The following SLC27A2 variants were observed in gnomAD, a reference collection of about 807,000 sequenced individuals.
SLC27A2 encodes long-chain fatty acid transport protein 2.
Under a neutral mutation model 60.0 loss-of-function variants are expected in SLC27A2, and 54 were observed. The observed-to-expected ratio is 0.90, with a 90% CI of 0.72 to 1.13. The LOEUF (loss-of-function observed/expected upper bound fraction) is 1.13. SLC27A2 is among the 50% of genes most tolerant of loss of function. SLC27A2 has a pLI of 0.00. For synonymous variants in SLC27A2, 297 were observed against 297.6 expected, an observed-to-expected ratio of 1.00 and a Z score of 0.02; for missense variants, 739 against 777.6, an observed-to-expected ratio of 0.95 and a Z score of 0.59.
rs2045332768 is a variant in SLC27A2 at position 50,233,983 on chromosome 15, G to A, written c.1671G>A (p.Arg557=). The A allele has an allele frequency of 1.2e-6, 2 of 1,611,840 alleles. No homozygotes were observed. Among genetic ancestry groups the A allele is most frequent in the Non-Finnish European group, 1.7e-6 (2 of 1,178,946 alleles). ...ADYLPSYARP[R]FLRIQDTIEI... The stretch of plus-strand genomic sequence containing the variant: ...ACCTACCTAGTTATGCAAGGCCCCG[G>A]TTTCTAAGAATACAGGTGAGATCTC... The change falls in exon 9 of 10, where the codon CGG becomes CGA. Residue 557 remains arginine (R), a synonymous_variant. Coordinates refer to ENST00000267842, the MANE Select transcript of SLC27A2 (RefSeq NM_003645.4).
chr15:50,232,422 T>C (rs981234859), intron 8 of SLC27A2, among the ~76,000 whole-genome samples: 3 of 152,154 alleles, frequency 2.0e-5, no homozygotes, highest in Non-Finnish European at 4.4e-5. Flanking sequence ...TTATAATTTA[T>C]TTTAGTTTTA....
At chr15:50,221,140 G>A (rs747385077) in intron 4 of SLC27A2, among the ~76,000 whole-genome samples, 3 of 152,018 alleles carry the variant, frequency 2.0e-5, no homozygotes, top group Non-Finnish European at 4.4e-5. Flanking sequence ...TGGGAGTTAA[G>A]GCTGCAGTAA....
chr15:50,182,692 A>C lies in SLC27A2; in HGVS notation c.265A>C (p.Asn89His). ...LTYAQVDRRSNQVARALHDHL... is the reference protein window; with the variant it reads ...LTYAQVDRRSHQVARALHDHL... The stretch of plus-strand genomic sequence containing the variant: ...CTACGCGCAGGTGGACCGGCGCAGC[A>C]ATCAAGTGGCCCGGGCGCTGCACGA... Residue 89 changes from asparagine to histidine, a missense_variant, in exon 1 of 10, where the codon AAT (asparagine) becomes CAT (histidine). Physicochemically the swap from Asn to His is moderately conservative, Grantham distance 68. Transcript: ENST00000267842. The C allele has an allele frequency of 1.2e-6, 2 of 1,613,898 alleles. No homozygotes were observed. The highest frequency in any genetic ancestry group is 1.7e-6 in the Non-Finnish European group (2 of 1,179,908).
chr15:50,187,766 G>A (rs993905145), intron 1 of SLC27A2, among the ~76,000 whole-genome samples: 3 of 152,112 alleles, frequency 2.0e-5, no homozygotes, highest in Admixed American at 6.5e-5. Flanking sequence ...TTTAAACAAT[G>A]TGATAAAGGA....
intron 4 of SLC27A2, among the ~76,000 whole-genome samples, chr15:50,222,569 C>T (rs1252436568): frequency 1.3e-5 from 2 of 152,204 alleles, no homozygotes; most frequent in African/African-American, 4.8e-5. Context: ...TGGAAATTCA[C>T]CAGTGTTCAC....
intron 1 of SLC27A2, among the ~76,000 whole-genome samples, chr15:50,194,807 T>C (rs2045000802): frequency 6.6e-6 from 1 of 151,470 alleles, no homozygotes; most frequent in South Asian, 2.1e-4. Context: ...TTTTAAAAAA[T>C]GTAAAGGAGG....
chr15:50,219,589 C>T (rs58548530), intron 4 of SLC27A2, among the ~76,000 whole-genome samples: 1 of 152,020 alleles, frequency 6.6e-6, no homozygotes, highest in South Asian at 2.1e-4. Context: ...TTGGAGCAAC[C>T]GTTTTGCTAC....
At chr15:50,204,704 G>C (rs1157875856) in intron 3 of SLC27A2, among the ~76,000 whole-genome samples, 1 of 151,578 alleles carries the variant, frequency 6.6e-6, no homozygotes, top group Non-Finnish European at 1.5e-5. Context: ...CTGCACTCCA[G>C]CCTGGGTGAC....
intron 2 of SLC27A2, among the ~76,000 whole-genome samples, chr15:50,201,821 T>C (rs894115114): frequency 2.0e-5 from 3 of 152,086 alleles, no homozygotes; most frequent in Non-Finnish European, 2.9e-5. Context: ...TCCCAAAGTG[T>C]TAGGATTACA....
chr15:50,230,601 C>G (rs1211402755), intron 8 of SLC27A2, among the ~76,000 whole-genome samples: 1 of 152,094 alleles, frequency 6.6e-6, no homozygotes, highest in African/African-American at 2.4e-5. Flanking sequence ...AACTCAGGGA[C>G]AATGACACGA....
intron 8 of SLC27A2, among the ~76,000 whole-genome samples, chr15:50,231,351 T>A: frequency 6.6e-6 from 1 of 152,238 alleles, no homozygotes; most frequent in South Asian, 2.1e-4. Flanking sequence ...TTCACCATGT[T>A]GGTCAGGCTG....
Position 50,183,994 on chromosome 15 carries a change from C to CTTTTTTTTTTTTTTTTT in SLC27A2, c.478+1091_478+1107dup, listed in dbSNP as rs577766814. Among the ~76,000 whole-genome samples the CTTTTTTTTTTTTTTTTT allele has an allele frequency of 8.3e-3, 757 of 91,158 alleles. 130 individuals are homozygous for CTTTTTTTTTTTTTTTTT. The highest frequency in any genetic ancestry group is 0.012 in the Non-Finnish European group (566 of 47,462). 59.8% of individuals were successfully genotyped at this position (91,158 alleles called of 152,430 possible). Reference sequence around the variant, plus strand: ...TTCGAAGCCATGCTCTTTCCTACATCTTTTTTTTTTTTTTTTTTGACAGTC... The same window carrying CTTTTTTTTTTTTTTTTT: ...TTCGAAGCCATGCTCTTTCCTACATCTTTTTTTTTTTTTTTTTTTTTTTTTTTTTTTTTTTGACAGTC... On this transcript the variant is annotated intron_variant, in intron 1 of 9. Transcript: ENST00000267842.
rs549497383 is a variant in SLC27A2, at chr15:50,232,636, G to A, written c.1556-1232G>A. ...CCCATTTGCCCGTAGGTCCAGCGTCGCTACTACCAGAGCAAGAAGCAAGGA... is the reference window on the plus strand; with the variant it reads ...CCCATTTGCCCGTAGGTCCAGCGTCACTACTACCAGAGCAAGAAGCAAGGA... On this transcript the variant is annotated intron_variant, in intron 8 of 9. Coordinates refer to ENST00000267842, the MANE Select transcript of SLC27A2 (RefSeq NM_003645.4). 1.3e-3 allele frequency among the ~76,000 whole-genome samples: 193 copies of A among 152,100 alleles called. 1 individual carries two copies. Among genetic ancestry groups the A allele is most frequent in the African/African-American group, 4.4e-3 (183 of 41,496 alleles).
Position 50,182,496 on chromosome 15 carries a change from C to T in SLC27A2, c.69C>T (p.Cys23=). ...TGCCGCTCCTGGTGAACCTCTGCTG[C>T]CCATACTTCTTCCAGGACATAGGCT... The part of the protein sequence containing the change: ...LFLPLLVNLC[C]PYFFQDIGYF... Residue 23 remains cysteine (C), a synonymous_variant, in exon 1 of 10, where the codon TGC becomes TGT. Transcript: ENST00000267842. 1 of 1,611,694 alleles carries T rather than the reference C, an allele frequency of 6.2e-7. No homozygotes were observed. The highest frequency in any genetic ancestry group is 8.5e-7 in the Non-Finnish European group (1 of 1,179,040).
At chr15:50,183,076 C>T (rs527379501) in intron 1 of SLC27A2, among the ~76,000 whole-genome samples, 171 bp downstream of exon 1, 10 of 152,216 alleles carry the variant, frequency 6.6e-5, no homozygotes, top group Non-Finnish European at 1.5e-5. Context: ...TTTAGGACCA[C>T]CTGTTGTGGA....
At chr15:50,186,865 ACT>A (rs1204553716) in intron 1 of SLC27A2, among the ~76,000 whole-genome samples, 3 of 152,344 alleles carry the variant, frequency 2.0e-5, no homozygotes, top group Non-Finnish European at 4.4e-5. Context: ...CTTACGAGGC[ACT>A]GTTTATTCTA....
chr15:50,188,966 GATAGATAGATAGATAA>G (rs762554528), intron 1 of SLC27A2, among the ~76,000 whole-genome samples: 5,349 of 134,170 alleles, frequency 0.04, 127 homozygotes, highest in African/African-American at 0.066. Context: ...TAGATAGGTA[GATAGATAGATAGATAA>G]ATAGATAGAT....
rs2045167104 is a variant in SLC27A2 at position 50,212,682 on chromosome 15, C to A, written c.972+7319C>A. ...TGTAAGCCAAGAATTTTGTATCCAG[C>A]AAAACTAAGCATCATATATGAAGAA... On this transcript the variant is annotated intron_variant, in intron 4 of 9. Coordinates refer to ENST00000267842, the MANE Select transcript of SLC27A2 (RefSeq NM_003645.4). Among the ~76,000 whole-genome samples the A allele has an allele frequency of 2.0e-5, 3 of 152,150 alleles. No individual in the cohort carries two copies. The South Asian group carries it at 6.2e-4, about 32-fold the overall frequency.
chr15:50,232,620 C>A (rs1342277813), intron 8 of SLC27A2, among the ~76,000 whole-genome samples: 1 of 152,002 alleles, frequency 6.6e-6, no homozygotes, highest in Non-Finnish European at 1.5e-5. Flanking sequence ...GCCCATTTGC[C>A]CGTAGGTCCA....
Sources: gnomAD v4.1 joint callset for allele counts (sites outside exome capture counted in the v4.1 genomes callset) on GRCh38, gnomAD v4.1.1 for gene constraint, MANE v1.5 for transcripts, NCBI Gene and HGNC (gene_info 2026-07-23, HGNC 2026-07-21) for gene names.